The following RGS7 variants were observed in gnomAD, a reference collection of about 807,000 sequenced individuals.
The protein encoded by RGS7 is regulator of G-protein signaling 7.
A neutral mutation model predicts 81.1 loss-of-function variants in RGS7; 27 were observed. The ratio of observed to expected loss-of-function variants is 0.33; its 90% CI spans 0.25 to 0.46. RGS7 has a LOEUF of 0.46. Among genes scored for constraint, RGS7 ranks in the 20% least tolerant of loss-of-function variants. The probability of loss-of-function intolerance (pLI) is 1.00; values close to 1 mark genes in which losing one functional copy is unlikely to be tolerated. For missense variants in RGS7, 396 were observed against 607.4 expected (o/e 0.65, Z 3.66); for synonymous variants, 208 against 207.7 (o/e 1.00, Z -0.01).
Position 240,833,042 on chromosome 1 carries a change from TAAC to T in RGS7, c.610-5873_610-5871del, listed in dbSNP as rs564523203. ...TTATAAATTAGGAACAATAAGAAAT[TAAC>T]AACAATAACTAATAATAAAATAGAA... On this transcript the variant is annotated intron_variant, in intron 9 of 18. Transcript: ENST00000440928. Among the ~76,000 whole-genome samples the T allele has an allele frequency of 3.0e-3, 451 of 152,142 alleles. 2 individuals are homozygous for T. Among genetic ancestry groups the T allele is most frequent in the Non-Finnish European group, 4.5e-3 (306 of 67,998 alleles).
chr1:240,936,438 T>C (rs1676649924), intron 5 of RGS7, among the ~76,000 whole-genome samples, 162 bp downstream of exon 5: 1 of 152,262 alleles, frequency 6.6e-6, no homozygotes, highest in South Asian at 2.1e-4. Context: ...TCTGTGTTTA[T>C]TGCTTTTTAT....
chr1:240,830,582 T>C (rs1267078689), intron 9 of RGS7, among the ~76,000 whole-genome samples: 1 of 152,090 alleles, frequency 6.6e-6, no homozygotes, highest in Non-Finnish European at 1.5e-5. Flanking sequence ...AATGACCGAG[T>C]CATCTAAACC....
chr1:241,004,583 C>G (rs757251548), intron 3 of RGS7, among the ~76,000 whole-genome samples: 1 of 152,058 alleles, frequency 6.6e-6, no homozygotes, highest in Non-Finnish European at 1.5e-5. Flanking sequence ...GATGAAGACC[C>G]AAAGATATAG....
At position 241,064,091 on chromosome 1, in the gene RGS7, G is replaced by C. The variant is rs572881931; in HGVS notation, c.175+34575C>G. The stretch of plus-strand genomic sequence containing the variant: ...CCAGCTACGAGGGAGGCTGAGGCAG[G>C]AGAATCGCTTGAACCTGGGAGGTGG... On this transcript the variant is annotated intron_variant, in intron 3 of 18. Coordinates refer to ENST00000440928, the MANE Select transcript of RGS7 (RefSeq NM_001364886.1). 5.3e-5 allele frequency among the ~76,000 whole-genome samples: 8 copies of C among 150,858 alleles called. 1 individual carries two copies. In the South Asian group the frequency reaches 1.7e-3, roughly 32 times the overall value.
At chr1:241,063,316 G>A (rs1476045445) in intron 3 of RGS7, among the ~76,000 whole-genome samples, 1 of 152,186 alleles carries the variant, frequency 6.6e-6, no homozygotes, top group African/African-American at 2.4e-5. Context: ...TTACTGGGTC[G>A]ATGGTGAATA....
At position 241,042,129 on chromosome 1, in the gene RGS7, G is replaced by A. The variant is rs116779606; in HGVS notation, c.175+56537C>T. On this transcript the variant is annotated intron_variant, in intron 3 of 18. Transcript: ENST00000440928. ...TAAGGAAGAAGGGGATAATGGCTGC[G>A]ATTCCTTCCAAAAGAACGCTGTCAC... Among the ~76,000 whole-genome samples, 495 of 152,260 alleles carry A rather than the reference G, an allele frequency of 3.3e-3. 4 individuals carry two copies. Among genetic ancestry groups the A allele is most frequent in the African/African-American group, 0.011 (474 of 41,534 alleles).
chr1:241,098,168 C>G (rs1273231732), intron 3 of RGS7, among the ~76,000 whole-genome samples: 2 of 152,184 alleles, frequency 1.3e-5, no homozygotes, highest in Non-Finnish European at 2.9e-5. Context: ...CTTTCACAGA[C>G]CCTCATAACC....
intron 3 of RGS7, among the ~76,000 whole-genome samples, chr1:241,014,882 C>T (rs1043998764): frequency 6.6e-5 from 10 of 152,066 alleles, no homozygotes; most frequent in African/African-American, 1.7e-4. Context: ...GACTGAGAGA[C>T]GAGACTCTTA....
chr1:241,335,071 C>T (rs367905416), intron 2 of RGS7, among the ~76,000 whole-genome samples: 4 of 152,250 alleles, frequency 2.6e-5, no homozygotes, highest in South Asian at 4.2e-4. Flanking sequence ...CAAAACAGCA[C>T]AGCAAAAAAC....
chr1:240,960,217 C>CTTCTTTTTTTTTTTTT (rs60911948), intron 4 of RGS7, among the ~76,000 whole-genome samples: 99 of 8,952 alleles, frequency 0.011, 12 homozygotes, highest in Non-Finnish European at 0.015. Flanking sequence ...TCTTCTTCTT[C>CTTCTTTTTTTTTTTTT]TTTTTTTTTT....
intron 3 of RGS7, among the ~76,000 whole-genome samples, chr1:241,076,045 G>A (rs528488347): frequency 1.5e-4 from 23 of 152,232 alleles, no homozygotes; most frequent in East Asian, 3.9e-4. Context: ...TCCAACTTGC[G>A]ATGGCTTAAC....
intron 2 of RGS7, among the ~76,000 whole-genome samples, chr1:241,221,004 AGAAAGGAAGGAAGG>A (rs1558203482): frequency 1.0e-4 from 8 of 78,724 alleles, no homozygotes; most frequent in South Asian, 5.2e-4. Context: ...GAAGAGAGAG[AGAAAGGAAGGAAGG>A]AAGGAAGGAA....
At chr1:240,856,723 A>G (rs1661196786) in intron 9 of RGS7, among the ~76,000 whole-genome samples, 1 of 152,204 alleles carries the variant, frequency 6.6e-6, no homozygotes, top group Non-Finnish European at 1.5e-5. Flanking sequence ...TTGAATTTTT[A>G]GCATTCTCTG....
chr1:241,018,133 ATTTTTTT>A (rs34587479), intron 3 of RGS7, among the ~76,000 whole-genome samples: 31 of 114,414 alleles, frequency 2.7e-4, no homozygotes, highest in Admixed American at 6.6e-4. Flanking sequence ...TGCCCAGCTA[ATTTTTTT>A]TTTTTTTTTT....
At chr1:241,156,169 G>GATAGATACATAC (rs1475820224) in intron 2 of RGS7, among the ~76,000 whole-genome samples, 1 of 142,858 alleles carries the variant, frequency 7.0e-6, no homozygotes, top group African/African-American at 2.5e-5. Context: ...TAGATAGATA[G>GATAGATACATAC]ATACATATAC....
intron 3 of RGS7, among the ~76,000 whole-genome samples, chr1:241,083,990 T>C (rs1043244798): frequency 2.6e-5 from 4 of 152,224 alleles, no homozygotes; most frequent in African/African-American, 9.6e-5. Flanking sequence ...ACCTTACTTA[T>C]TCTTATCTTC....
chr1:241,168,138 C>A (rs2070414777), intron 2 of RGS7, among the ~76,000 whole-genome samples: 1 of 152,082 alleles, frequency 6.6e-6, no homozygotes, highest in South Asian at 2.1e-4. Flanking sequence ...GCATTGAGCA[C>A]AATAGGCTCT....
chr1:240,777,322 C>T (rs917471233), intron 18 of RGS7, among the ~76,000 whole-genome samples: 6 of 151,876 alleles, frequency 4.0e-5, no homozygotes, highest in African/African-American at 1.5e-4. Flanking sequence ...GATCGGAATG[C>T]AAAACTGCTG....
intron 2 of RGS7, among the ~76,000 whole-genome samples, chr1:241,239,217 A>G (rs977080558): frequency 6.7e-6 from 1 of 149,616 alleles, no homozygotes; most frequent in African/African-American, 2.5e-5. Flanking sequence ...CCTGCCTCCC[A>G]CGGCCTCACA....
Sources: gnomAD v4.1 joint callset for allele counts (sites outside exome capture counted in the v4.1 genomes callset) on GRCh38, gnomAD v4.1.1 for gene constraint, MANE v1.5 for transcripts, NCBI Gene and HGNC (gene_info 2026-07-23, HGNC 2026-07-21) for gene names.